The following AS3MT variants were observed in gnomAD, a reference collection of about 807,000 sequenced individuals.
AS3MT encodes S-adenosyl-L-methionine:arsenic(III) methyltransferase.
Under a neutral mutation model 45.3 loss-of-function variants are expected in AS3MT, and 47 were observed. The ratio of observed to expected loss-of-function variants is 1.04; its 90% CI spans 0.82 to 1.32. The LOEUF is 1.32. Among genes scored for constraint, AS3MT ranks in the 40% most tolerant of loss-of-function variants. AS3MT has a pLI of 0.00. For synonymous variants in AS3MT, 141 were observed against 152.8 expected (o/e 0.92, Z 0.57); for missense variants, 396 against 451.1 (o/e 0.88, Z 1.11).
chr10:102,897,300 C>T (rs1453395336), intron 10 of AS3MT, among the ~76,000 whole-genome samples: 8 of 150,568 alleles, frequency 5.3e-5, no homozygotes, highest in Admixed American at 3.3e-4. Context: ...AGGAGAATGG[C>T]GTGAACCCGG....
chr10:102,874,818 G>C (rs1241017211), intron 6 of AS3MT, among the ~76,000 whole-genome samples, 157 bp downstream of exon 6: 1 of 152,130 alleles, frequency 6.6e-6, no homozygotes, highest in African/African-American at 2.4e-5. Context: ...GGAATACCCC[G>C]GATATGGATT....
In AS3MT at chr10:102,876,969, T is replaced by G; in HGVS notation, c.544T>G (p.Tyr182Asp). Residue 182 changes from tyrosine to aspartate, a missense_variant, in exon 7 of 11, where the codon TAT becomes GAT. Coordinates refer to ENST00000369880, the MANE Select transcript of AS3MT (RefSeq NM_020682.4). ...YRVLKHGGEL[Y>D]FSDVYTSLEL... Reference sequence around the variant, plus strand: ...TCTGTTTCAGCATGGTGGGGAGTTATATTTCAGTGACGTCTATACGAGCCT... The same window carrying G: ...TCTGTTTCAGCATGGTGGGGAGTTAGATTTCAGTGACGTCTATACGAGCCT... 1 of 1,614,206 alleles carries G rather than the reference T, an allele frequency of 6.2e-7. No homozygotes were observed. The highest frequency in any genetic ancestry group is 8.5e-7 in the Non-Finnish European group (1 of 1,179,998).
Position 102,894,439 on chromosome 10 carries a change from T to A in AS3MT, c.1020+3761T>A, listed in dbSNP as rs12218339. ...CTCCATCTCAAAAAATAAAAAAAAATAAAAAAATAAAAAAATAAAATAAAA... is the reference window on the plus strand; with the variant it reads ...CTCCATCTCAAAAAATAAAAAAAAAAAAAAAAATAAAAAAATAAAATAAAA... On this transcript the variant is annotated intron_variant, in intron 10 of 10. Transcript: ENST00000369880. Among the ~76,000 whole-genome samples the A allele has an allele frequency of 1.6e-3, 120 of 73,848 alleles. 2 individuals carry two copies. The highest frequency in any genetic ancestry group is 4.9e-3 in the African/African-American group (114 of 23,036). 48.4% of individuals were successfully genotyped at this position (73,848 alleles called of 152,430 possible).
At chr10:102,883,688 T>C (rs1200483078) in intron 9 of AS3MT, among the ~76,000 whole-genome samples, 4 of 151,708 alleles carry the variant, frequency 2.6e-5, no homozygotes, top group East Asian at 2.0e-4. Flanking sequence ...CACTCCAGCC[T>C]GGGCAACAGA....
Position 102,900,799 on chromosome 10 carries a change from TGGGGCC to T in AS3MT, c.*103_*108del, listed in dbSNP as rs1025009779. On this transcript the variant is annotated 3_prime_UTR_variant, in exon 11 of 11. Coordinates refer to ENST00000369880, the MANE Select transcript of AS3MT (RefSeq NM_020682.4). ...AGCACAGACCATAAGAAACAACAAA[TGGGGCC>T]GGGCACAGTGGCTCATGCCTATAAT... 4.2e-6 allele frequency: 4 copies of T among 942,918 alleles called. No homozygotes were observed. The African/African-American group carries it at 4.9e-5, about 12-fold the overall frequency. The allele number at this position is 942,918 out of a possible 1,614,324, so 58.4% of individuals were successfully genotyped here.
intron 10 of AS3MT, among the ~76,000 whole-genome samples, chr10:102,893,455 A>G (rs1324124574): frequency 6.6e-6 from 1 of 150,428 alleles, no homozygotes; most frequent in Non-Finnish European, 1.5e-5. Flanking sequence ...AGTAGCTGTA[A>G]TTACAGGCAT....
chr10:102,874,731 C>A, intron 6 of AS3MT, 70 bp downstream of exon 6: 2 of 1,136,582 alleles, frequency 1.8e-6, no homozygotes, highest in Middle Eastern at 2.0e-4. Flanking sequence ...CTTGTTTGTT[C>A]CCCCTTGAAC....
At chr10:102,897,253 G>C (rs1299984868) in intron 10 of AS3MT, among the ~76,000 whole-genome samples, 1 of 151,218 alleles carries the variant, frequency 6.6e-6, no homozygotes, top group South Asian at 2.1e-4. Flanking sequence ...GCGTGGTGGC[G>C]GGTGCCTGTA....
intron 9 of AS3MT, chr10:102,887,988 T>G (rs936499022): frequency 1.3e-5 from 2 of 156,040 alleles, no homozygotes; most frequent in African/African-American, 4.8e-5. Context: ...AAATACCTTT[T>G]GGAAAAAGGT....
At chr10:102,882,843 G>T (rs892430293) in intron 9 of AS3MT, among the ~76,000 whole-genome samples, 1 of 151,626 alleles carries the variant, frequency 6.6e-6, no homozygotes, top group Non-Finnish European at 1.5e-5. Flanking sequence ...TACCCGCCTC[G>T]GCCTCCCAAA....
intron 8 of AS3MT, 73 bp downstream of exon 8, chr10:102,878,583 A>G: frequency 6.4e-7 from 1 of 1,560,816 alleles, no homozygotes; most frequent in Non-Finnish European, 8.8e-7. Flanking sequence ...TTAGTAAGTA[A>G]CTTCTGAAGG....
At chr10:102,878,536 T>C in intron 8 of AS3MT, 26 bp downstream of exon 8, 1 of 1,610,580 alleles carries the variant, frequency 6.2e-7, no homozygotes. Flanking sequence ...CAGCAGGGAC[T>C]ATTATAACTA....
At chr10:102,893,244 G>A (rs958953448) in intron 10 of AS3MT, among the ~76,000 whole-genome samples, 13 of 151,930 alleles carry the variant, frequency 8.6e-5, no homozygotes, top group Admixed American at 4.6e-4. Context: ...TTTGTTTGTT[G>A]GCTTTTATAT....
At chr10:102,891,016 A>G (rs1453074444) in intron 10 of AS3MT, among the ~76,000 whole-genome samples, 2 of 152,088 alleles carry the variant, frequency 1.3e-5, no homozygotes, top group Non-Finnish European at 2.9e-5. Flanking sequence ...CCCGGCCAGT[A>G]TGCATGGTCT....
chr10:102,878,285 C>A (rs1844818920), intron 7 of AS3MT, 94 bp from the exon 8 acceptor site: 3 of 1,492,722 alleles, frequency 2.0e-6, no homozygotes, highest in African/African-American at 2.8e-5. Flanking sequence ...TTAACTAATA[C>A]CATGTCCTAA....
chr10:102,885,500 T>TGTA (rs1217741168), intron 9 of AS3MT, among the ~76,000 whole-genome samples: 5,629 of 10,036 alleles, frequency 0.56, 1,296 homozygotes, highest in East Asian at 0.69. Flanking sequence ...AACTAATTTT[T>TGTA]TTTTTTTTTT....
At position 102,879,626 on chromosome 10, in the gene AS3MT, G is replaced by A. The variant is rs369259276; in HGVS notation, c.885+635G>A. ...ACTAATAAAAATACAAAAATTAGCC[G>A]GGCGTGGTGGTGGGTGCCTGTAATC... On this transcript the variant is annotated intron_variant, in intron 9 of 10. Transcript: ENST00000369880. Among the ~76,000 whole-genome samples the A allele has an allele frequency of 1.9e-4, 29 of 151,750 alleles. No individual in the cohort carries two copies. The East Asian group carries it at 2.5e-3, about 13-fold the overall frequency.
At chr10:102,891,299 G>A (rs926554871) in intron 10 of AS3MT, among the ~76,000 whole-genome samples, 1 of 152,176 alleles carries the variant, frequency 6.6e-6, no homozygotes, top group African/African-American at 2.4e-5. Flanking sequence ...TGGTGGAGTC[G>A]GCGCGGGGAG....
chr10:102,894,488 C>T lies in AS3MT; in HGVS notation c.1020+3810C>T, dbSNP rs768373226. Among the ~76,000 whole-genome samples, 5 of 151,968 alleles carry T rather than the reference C, an allele frequency of 3.3e-5. No individual in the cohort carries two copies. The East Asian group carries it at 5.8e-4, about 18-fold the overall frequency. On this transcript the variant is annotated intron_variant, in intron 10 of 10. Transcript: ENST00000369880. ...AATTATAAACCCTCAACCATCTGAA[C>T]GGACCCCTCCTGTCGGGCAAAGGCA...
Sources: gnomAD v4.1 joint callset for allele counts (sites outside exome capture counted in the v4.1 genomes callset) on GRCh38, gnomAD v4.1.1 for gene constraint, MANE v1.5 for transcripts, NCBI Gene and HGNC (gene_info 2026-07-23, HGNC 2026-07-21) for gene names.